The following SRD5A2 variants were observed in gnomAD, a reference collection of about 807,000 sequenced individuals.
SRD5A2 encodes steroid 5 alpha-reductase 2.
In SRD5A2, 30 loss-of-function variants were observed where a neutral mutation model predicts 27.4. The ratio of observed to expected loss-of-function variants is 1.10; its 90% CI spans 0.82 to 1.49. The LOEUF (loss-of-function observed/expected upper bound fraction) is 1.49, where lower values mean the gene tolerates loss of function less well. SRD5A2 is among the 40% of genes most tolerant of loss of function. SRD5A2 has a pLI of 0.00. For missense variants in SRD5A2, 348 were observed against 323.4 expected, an observed-to-expected ratio of 1.08 and a Z score of -0.58; for synonymous variants, 141 against 133.6, an observed-to-expected ratio of 1.06 and a Z score of -0.38.
chr2:31,657,327 T>C, the SRD5A2 span, among the ~76,000 whole-genome samples: 1 of 152,252 alleles, frequency 6.6e-6, no homozygotes, highest in Non-Finnish European at 1.5e-5. Context: ...TAAAAGTTTA[T>C]ATTTGAAAGG....
chr2:31,556,331 T>G (rs1666494261), intron 1 of SRD5A2, among the ~76,000 whole-genome samples: 1 of 152,204 alleles, frequency 6.6e-6, no homozygotes, highest in Non-Finnish European at 1.5e-5. Context: ...CCATCTTGTA[T>G]AGTGGGTTGA....
the SRD5A2 span, among the ~76,000 whole-genome samples, chr2:31,619,328 T>A: frequency 6.6e-6 from 1 of 152,194 alleles, no homozygotes; most frequent in Non-Finnish European, 1.5e-5. Context: ...ATTTTCTTTA[T>A]CCAGTCTATC....
upstream of SRD5A2, among the ~76,000 whole-genome samples, chr2:31,581,441 G>C (rs1475591761): frequency 6.6e-6 from 1 of 152,024 alleles, no homozygotes; most frequent in African/African-American, 2.4e-5. Flanking sequence ...AACCATCCTG[G>C]CTCTCTGAGC....
chr2:31,524,747 A>G lies in SRD5A2; in HGVS notation c.*1449T>C. 4.3e-6 allele frequency: 1 copy of G among 230,328 alleles called. No individual in the cohort carries two copies. Among genetic ancestry groups the G allele is most frequent in the Non-Finnish European group, 8.6e-6 (1 of 116,146 alleles). 14.3% of individuals were successfully genotyped at this position (230,328 alleles called of 1,614,324 possible). A position where few individuals can be genotyped will look rare whatever the true frequency, so the allele number is the denominator to read the frequency against. ...ACCACTGGTGCTCATTTGTCAAAACAGTTTGCTAAATATTGACAATGCATT... is the reference window on the plus strand; with the variant it reads ...ACCACTGGTGCTCATTTGTCAAAACGGTTTGCTAAATATTGACAATGCATT... On this transcript the variant is annotated 3_prime_UTR_variant, in exon 5 of 5. Transcript: ENST00000622030.
At chr2:31,647,026 T>C in the SRD5A2 span, among the ~76,000 whole-genome samples, 1 of 151,562 alleles carries the variant, frequency 6.6e-6, no homozygotes, top group Non-Finnish European at 1.5e-5. Context: ...GCGCCTGTAA[T>C]TCCAGCTACT....
At chr2:31,530,318 A>T (rs1004643570) in intron 3 of SRD5A2, among the ~76,000 whole-genome samples, 3 of 152,126 alleles carry the variant, frequency 2.0e-5, no homozygotes, top group Non-Finnish European at 4.4e-5. Flanking sequence ...TTCTTTATTT[A>T]TCTAGTTATG....
At chr2:31,591,585 G>A in the SRD5A2 span, among the ~76,000 whole-genome samples, 10 of 151,696 alleles carry the variant, frequency 6.6e-5, no homozygotes, top group Admixed American at 6.6e-4. Flanking sequence ...TCCCATTACT[G>A]GGTATACACC....
the SRD5A2 span, among the ~76,000 whole-genome samples, chr2:31,640,311 A>T: frequency 6.6e-6 from 1 of 151,990 alleles, no homozygotes; most frequent in Non-Finnish European, 1.5e-5. Flanking sequence ...TTGTTCAGAG[A>T]GCTGACAAAT....
At chr2:31,532,980 G>T (rs1324508972) in intron 2 of SRD5A2, among the ~76,000 whole-genome samples, 1 of 152,158 alleles carries the variant, frequency 6.6e-6, no homozygotes, top group Non-Finnish European at 1.5e-5. Context: ...CCAACCCACA[G>T]CCTGTGGGCC....
chr2:31,657,409 T>C, the SRD5A2 span, among the ~76,000 whole-genome samples: 1 of 152,180 alleles, frequency 6.6e-6, no homozygotes, highest in African/African-American at 2.4e-5. Context: ...TTTGTTTTAT[T>C]TTGTTTTTGA....
the SRD5A2 span, among the ~76,000 whole-genome samples, chr2:31,603,668 A>G: frequency 6.6e-6 from 1 of 152,070 alleles, no homozygotes; most frequent in Non-Finnish European, 1.5e-5. Flanking sequence ...TATAGATTGG[A>G]TAAAGAAAAT....
the SRD5A2 span, among the ~76,000 whole-genome samples, chr2:31,602,504 T>C: frequency 6.6e-6 from 1 of 152,088 alleles, no homozygotes; most frequent in African/African-American, 2.4e-5. Context: ...ATACATTCAA[T>C]GCTATTCCCA....
At chr2:31,600,873 G>T in the SRD5A2 span, among the ~76,000 whole-genome samples, 1 of 151,886 alleles carries the variant, frequency 6.6e-6, no homozygotes. Flanking sequence ...GACCAAGTGG[G>T]ATTTCTTCCA....
the SRD5A2 span, among the ~76,000 whole-genome samples, chr2:31,609,815 T>C: frequency 6.6e-6 from 1 of 152,078 alleles, no homozygotes; most frequent in African/African-American, 2.4e-5. Context: ...GGGAGAAATA[T>C]TTACAAGTTA....
chr2:31,601,055 G>A, the SRD5A2 span, among the ~76,000 whole-genome samples: 2 of 151,882 alleles, frequency 1.3e-5, no homozygotes, highest in African/African-American at 4.8e-5. Flanking sequence ...GCTAGCAGAA[G>A]ACAAGAAATA....
chr2:31,557,804 C>A (rs1194009089), intron 1 of SRD5A2, among the ~76,000 whole-genome samples: 1 of 152,148 alleles, frequency 6.6e-6, no homozygotes, highest in East Asian at 1.9e-4. Flanking sequence ...AAAATAGGAC[C>A]AGCTTCCTTA....
the SRD5A2 span, among the ~76,000 whole-genome samples, chr2:31,627,346 CTTCTT>C: frequency 8.0e-6 from 1 of 125,778 alleles, no homozygotes; most frequent in East Asian, 2.4e-4. Context: ...TTAATTGCAT[CTTCTT>C]TTCTTTATTA....
At chr2:31,612,533 G>T in the SRD5A2 span, among the ~76,000 whole-genome samples, 1 of 152,088 alleles carries the variant, frequency 6.6e-6, no homozygotes, top group African/African-American at 2.4e-5. Context: ...GAAGTAAAAA[G>T]AAATATAGTT....
intron 4 of SRD5A2, chr2:31,526,838 A>C (rs935306100): frequency 1.3e-5 from 2 of 153,658 alleles, no homozygotes; most frequent in African/African-American, 4.8e-5. Context: ...CATTGCAGAT[A>C]AAATTAAGAT....
Sources: allele counts gnomAD v4.1 joint callset (sites outside exome capture counted in the v4.1 genomes callset), GRCh38; gene constraint gnomAD v4.1.1; transcripts MANE v1.5; gene names NCBI Gene and HGNC (gene_info 2026-07-23, HGNC 2026-07-21).